DTL: variants seen among roughly 807,000 people sequenced by gnomAD.
The protein encoded by DTL is denticleless E3 ubiquitin protein ligase adapter, also known as denticleless protein homolog.
In DTL, 46 loss-of-function variants were observed where a neutral mutation model predicts 87.0. The ratio of observed to expected loss-of-function variants is 0.53; its 90% CI spans 0.42 to 0.68. The LOEUF is 0.68. Among genes scored for constraint, DTL ranks in the 30% least tolerant of loss-of-function variants. The pLI is 0.00. For missense variants in DTL, 737 were observed against 869.4 expected (o/e 0.85, Z 1.91); for synonymous variants, 308 against 311.2 (o/e 0.99, Z 0.11).
chr1:212,039,219 A>G (rs570735541), intron 1 of DTL, among the ~76,000 whole-genome samples: 4 of 152,232 alleles, frequency 2.6e-5, no homozygotes, highest in Non-Finnish European at 5.9e-5. Context: ...GATTAAAACA[A>G]TATAGATTAC....
chr1:212,038,664 A>G (rs146036812), intron 1 of DTL, among the ~76,000 whole-genome samples: 97 of 152,290 alleles, frequency 6.4e-4, no homozygotes, highest in African/African-American at 2.1e-3. Flanking sequence ...CTGGATTGTA[A>G]GAAGTCTCCC....
intron 5 of DTL, among the ~76,000 whole-genome samples, chr1:212,050,337 TCA>T (rs1667929883): frequency 6.6e-6 from 1 of 152,158 alleles, no homozygotes; most frequent in Non-Finnish European, 1.5e-5. Flanking sequence ...CTGGACATAG[TCA>T]CACTAATGGA....
At chr1:212,047,041 A>G (rs2102530255) in intron 3 of DTL, 110 bp from the exon 4 acceptor site, 1 of 901,184 alleles carries the variant, frequency 1.1e-6, no homozygotes, top group Non-Finnish European at 1.8e-6. Context: ...TCTAATGATC[A>G]ACTACTGATC....
intron 5 of DTL, among the ~76,000 whole-genome samples, chr1:212,062,383 A>C (rs1654354747): frequency 6.6e-6 from 1 of 151,642 alleles, no homozygotes; most frequent in African/African-American, 2.4e-5. Flanking sequence ...CTTCATATGG[A>C]TCTGGTCCAT....
Position 212,098,427 on chromosome 1 carries a change from G to A in DTL, c.1262-1825G>A, listed in dbSNP as rs143672017. Among the ~76,000 whole-genome samples, 381 of 152,212 alleles carry A rather than the reference G, an allele frequency of 2.5e-3. 4 individuals are homozygous for A. Among genetic ancestry groups the A allele is most frequent in the African/African-American group, 8.4e-3 (350 of 41,542 alleles). On this transcript the variant is annotated intron_variant, in intron 13 of 14. Coordinates refer to ENST00000366991, the MANE Select transcript of DTL (RefSeq NM_016448.4). ...AGCGGGGGATATAAGCTTGCCTTAC[G>A]GTTTCCTGGATAGGTTTTCGGGCTT...
chr1:212,066,433 C>A (rs1246377710), intron 7 of DTL, among the ~76,000 whole-genome samples: 2 of 152,152 alleles, frequency 1.3e-5, no homozygotes, highest in East Asian at 3.8e-4. Flanking sequence ...TCTTTTGATA[C>A]TCCTATATGA....
chr1:212,093,679 C>T (rs770669425), intron 13 of DTL, among the ~76,000 whole-genome samples: 23 of 152,230 alleles, frequency 1.5e-4, no homozygotes, highest in Non-Finnish European at 1.0e-4. Flanking sequence ...GTCTGCTTGA[C>T]GACCAGCCAC....
At chr1:212,059,319 C>A (rs1304139053) in intron 5 of DTL, among the ~76,000 whole-genome samples, 4 of 151,400 alleles carry the variant, frequency 2.6e-5, no homozygotes, top group South Asian at 2.1e-4. Flanking sequence ...AAAAAATACA[C>A]CATGATCAAG....
Position 212,104,519 on chromosome 1 carries a change from T to C in DTL, c.*1579T>C, listed in dbSNP as rs977271354. 1.3e-5 allele frequency: 2 copies of C among 152,136 alleles called. No homozygotes were observed. The highest frequency in any genetic ancestry group is 2.9e-5 in the Non-Finnish European group (2 of 68,018). 9.4% of individuals were successfully genotyped at this position (152,136 alleles called of 1,614,324 possible). ...TGACTGTTGGGCTTTGGGAAGATGT[T>C]ATTTATGACCAATATCTGCCAGTAA... On this transcript the variant is annotated 3_prime_UTR_variant, in exon 15 of 15. Transcript: ENST00000366991.
chr1:212,067,747 G>A (rs1558080729), intron 8 of DTL, among the ~76,000 whole-genome samples: 1 of 152,080 alleles, frequency 6.6e-6, no homozygotes, highest in Admixed American at 6.6e-5. Flanking sequence ...AGAAGTAGAG[G>A]ATTAAGACAA....
At chr1:212,099,837 C>CT (rs1236684356) in intron 13 of DTL, among the ~76,000 whole-genome samples, 1 of 152,192 alleles carries the variant, frequency 6.6e-6, no homozygotes, top group Non-Finnish European at 1.5e-5. Flanking sequence ...ACATGCTGTT[C>CT]TGTCTGTCTG....
rs371041904 is a variant in DTL, at chr1:212,086,307, AAAG to A, written c.1261+5560_1261+5562del. Among the ~76,000 whole-genome samples, 36 of 152,316 alleles carry A rather than the reference AAAG, an allele frequency of 2.4e-4. 2 individuals are homozygous for A. In the South Asian group the frequency reaches 7.1e-3, roughly 30 times the overall value. On this transcript the variant is annotated intron_variant, in intron 13 of 14. Transcript: ENST00000366991. ...TCTCTCTCTCATTTTAGAAAATATA[AAAG>A]AAAAGAATCATATGAGGCCATTAGA...
At chr1:212,049,993 A>G (rs1024982349) in intron 5 of DTL, among the ~76,000 whole-genome samples, 1 of 52,960 alleles carries the variant, frequency 1.9e-5, no homozygotes, top group African/African-American at 7.0e-5. Context: ...CCTGGGTAAC[A>G]TAGTGAGACC....
intron 13 of DTL, among the ~76,000 whole-genome samples, chr1:212,086,925 T>C (rs1655147016): frequency 6.6e-6 from 1 of 152,228 alleles, no homozygotes; most frequent in African/African-American, 2.4e-5. Context: ...TGATGAAAAG[T>C]ATCTTGCTTT....
At chr1:212,095,588 G>A (rs766769006) in intron 13 of DTL, among the ~76,000 whole-genome samples, 15 of 151,990 alleles carry the variant, frequency 9.9e-5, no homozygotes, top group Admixed American at 2.6e-4. Flanking sequence ...TGCCCTCCTC[G>A]GCCTCCCAAA....
At chr1:212,084,771 C>T (rs1288302868) in intron 13 of DTL, among the ~76,000 whole-genome samples, 1 of 152,062 alleles carries the variant, frequency 6.6e-6, no homozygotes, top group African/African-American at 2.4e-5. Flanking sequence ...ACTATCAAAC[C>T]TTCATACTCC....
intron 13 of DTL, among the ~76,000 whole-genome samples, chr1:212,097,884 G>A (rs955867291): frequency 1.5e-5 from 2 of 134,132 alleles, no homozygotes; most frequent in Non-Finnish European, 3.2e-5. Context: ...CTCAATGTGT[G>A]CTGTTTAAAT....
Position 212,068,594 on chromosome 1 carries a change from T to C in DTL, c.818-5T>C. 6.3e-7 allele frequency: 1 copy of C among 1,599,772 alleles called. No homozygotes were observed. Among genetic ancestry groups the C allele is most frequent in the Non-Finnish European group, 8.6e-7 (1 of 1,167,722 alleles). On this transcript the variant is annotated splice_region_variant and splice_polypyrimidine_tract_variant and intron_variant, in intron 9 of 14. Transcript: ENST00000366991. Reference sequence around the variant, plus strand: ...GACGTGCTAACTTAAGTTTCCTTTTTCCAGGATATTCAAGTCTGATTTTGG... The same window carrying C: ...GACGTGCTAACTTAAGTTTCCTTTTCCCAGGATATTCAAGTCTGATTTTGG...
chr1:212,102,078 G>C (rs1215317812), intron 14 of DTL, among the ~76,000 whole-genome samples: 2 of 152,288 alleles, frequency 1.3e-5, no homozygotes, highest in South Asian at 2.1e-4. Context: ...GCCAGTTTTA[G>C]TTTAAAAAGT....
Sources: gnomAD v4.1 joint callset for allele counts (sites outside exome capture counted in the v4.1 genomes callset) on GRCh38, gnomAD v4.1.1 for gene constraint, MANE v1.5 for transcripts, NCBI Gene and HGNC (gene_info 2026-07-23, HGNC 2026-07-21) for gene names.